Variants in TMED3 observed in about 807,000 individuals in gnomAD.
TMED3 encodes the protein transmembrane p24 trafficking protein 3.
TMED3 carries 9 observed loss-of-function variants against 15.0 expected under a neutral mutation model. The observed-to-expected ratio is 0.60, with a 90% confidence interval of 0.36 to 1.04. TMED3 has a LOEUF of 1.04. Among genes scored for constraint, TMED3 ranks in the 50% least tolerant of loss-of-function variants. The pLI is 0.01. For missense variants in TMED3, 267 were observed against 278.9 expected, an observed-to-expected ratio of 0.96 and a Z score of 0.30; for synonymous variants, 117 against 121.4, an observed-to-expected ratio of 0.96 and a Z score of 0.24.
At chr15:79,389,847 A>G (rs956039600) in intron 2 of TMED3, among the ~76,000 whole-genome samples, 4 of 151,608 alleles carry the variant, frequency 2.6e-5, no homozygotes, top group Non-Finnish European at 5.9e-5. Flanking sequence ...TGTTTTTGCA[A>G]CTGTCATAAA....
At chr15:79,346,003 T>C (rs761776799) in intron 2 of TMED3, among the ~76,000 whole-genome samples, 5 of 152,188 alleles carry the variant, frequency 3.3e-5, no homozygotes, top group Non-Finnish European at 7.4e-5. Context: ...GAGTTGTTTG[T>C]ATTTTTTCTT....
chr15:79,339,280 C>T (rs2058840424), intron 2 of TMED3, among the ~76,000 whole-genome samples: 1 of 152,180 alleles, frequency 6.6e-6, no homozygotes, highest in Non-Finnish European at 1.5e-5. Flanking sequence ...TATCCTGCCC[C>T]TTTGTCTTGT....
intron 2 of TMED3, among the ~76,000 whole-genome samples, chr15:79,385,592 A>T (rs1317806066): frequency 1.3e-5 from 2 of 152,166 alleles, no homozygotes; most frequent in Non-Finnish European, 2.9e-5. Context: ...CTGGAGTGGA[A>T]GGCCCAGGTC....
At chr15:79,398,489 C>T (rs35859764) in intron 2 of TMED3, among the ~76,000 whole-genome samples, 15,259 of 152,036 alleles carry the variant, frequency 0.1, 887 homozygotes, top group Admixed American at 0.14. Context: ...TGTAGTTTGA[C>T]GGCCTTAGAG....
At chr15:79,411,602 G>C in exon 3 of TMED3, 1 of 667,898 alleles carries the variant, frequency 1.5e-6, no homozygotes, top group Middle Eastern at 3.9e-4. Flanking sequence ...ACCATGCACT[G>C]GGACTAGCTC....
chr15:79,378,707 GGTT>G (rs1274303460), intron 2 of TMED3, among the ~76,000 whole-genome samples: 1 of 152,146 alleles, frequency 6.6e-6, no homozygotes, highest in Non-Finnish European at 1.5e-5. Flanking sequence ...AAAAGGGGAA[GGTT>G]GTTGTAAATA....
chr15:79,394,767 C>G (rs1321936535), intron 2 of TMED3, among the ~76,000 whole-genome samples: 2 of 152,108 alleles, frequency 1.3e-5, no homozygotes, highest in Non-Finnish European at 2.9e-5. Context: ...CCAGTTTTAT[C>G]CAGTTTTAAC....
At chr15:79,345,620 ATGTGTC>A (rs888039501) in intron 2 of TMED3, among the ~76,000 whole-genome samples, 1 of 152,206 alleles carries the variant, frequency 6.6e-6, no homozygotes, top group African/African-American at 2.4e-5. Flanking sequence ...ATACACATAC[ATGTGTC>A]TTTATAACGA....
At chr15:79,345,482 T>C (rs7174031) in intron 2 of TMED3, among the ~76,000 whole-genome samples, 1 of 152,154 alleles carries the variant, frequency 6.6e-6, no homozygotes, top group African/African-American at 2.4e-5. Flanking sequence ...CATGATCTTG[T>C]TCTTTTTCTG....
At chr15:79,373,784 A>G (rs1893382362) in intron 2 of TMED3, among the ~76,000 whole-genome samples, 1 of 152,240 alleles carries the variant, frequency 6.6e-6, no homozygotes, top group African/African-American at 2.4e-5. Context: ...AATACATGTA[A>G]GGTACACATT....
intron 2 of TMED3, among the ~76,000 whole-genome samples, chr15:79,392,338 G>T (rs1314750058): frequency 6.6e-6 from 1 of 152,148 alleles, no homozygotes; most frequent in East Asian, 1.9e-4. Context: ...ATCTGAAAAA[G>T]ACTGTATCTT....
At chr15:79,363,275 G>T (rs1893164829) in intron 2 of TMED3, among the ~76,000 whole-genome samples, 1 of 152,008 alleles carries the variant, frequency 6.6e-6, no homozygotes, top group South Asian at 2.1e-4. Context: ...CTTTATTTCA[G>T]AAAGAACTTT....
intron 2 of TMED3, among the ~76,000 whole-genome samples, chr15:79,381,451 T>TA (rs958940289): frequency 6.6e-6 from 1 of 152,164 alleles, no homozygotes; most frequent in Non-Finnish European, 1.5e-5. Context: ...GGATGAAGGT[T>TA]AAAAGGTCCT....
intron 2 of TMED3, among the ~76,000 whole-genome samples, chr15:79,367,828 T>G (rs1397767684): frequency 6.6e-6 from 1 of 152,230 alleles, no homozygotes; most frequent in East Asian, 1.9e-4. Flanking sequence ...AACAGGGTCT[T>G]ACAGATCAAA....
intron 2 of TMED3, among the ~76,000 whole-genome samples, chr15:79,358,509 C>G (rs538639331): frequency 1.3e-5 from 2 of 152,210 alleles, no homozygotes; most frequent in East Asian, 1.9e-4. Context: ...GGGATGGAAG[C>G]TGGGGATGGT....
chr15:79,398,947 G>A (rs1893798528), intron 2 of TMED3, among the ~76,000 whole-genome samples: 1 of 152,176 alleles, frequency 6.6e-6, no homozygotes, highest in African/African-American at 2.4e-5. Flanking sequence ...GTCTTGCTCT[G>A]TTGCCCAGGC....
intron 2 of TMED3, among the ~76,000 whole-genome samples, chr15:79,388,571 G>C (rs940018435): frequency 6.6e-6 from 1 of 152,160 alleles, no homozygotes; most frequent in South Asian, 2.1e-4. Context: ...GCATGTGCAA[G>C]TATCTTTTTT....
intron 2 of TMED3, 45 bp downstream of exon 2, chr15:79,314,050 G>A (rs188094341): frequency 1.0e-5 from 16 of 1,603,052 alleles, no homozygotes; most frequent in East Asian, 2.2e-5. Flanking sequence ...CCCCTAGCGT[G>A]TTCCTCTTCA....
chr15:79,390,059 A>C (rs1160606506), intron 2 of TMED3, among the ~76,000 whole-genome samples: 2 of 152,016 alleles, frequency 1.3e-5, no homozygotes, highest in African/African-American at 2.4e-5. Context: ...CTTCCTCTTT[A>C]CTGATTTGGG....
Sources: gnomAD v4.1 joint callset for allele counts (sites outside exome capture counted in the v4.1 genomes callset) on GRCh38, gnomAD v4.1.1 for gene constraint, MANE v1.5 for transcripts, NCBI Gene and HGNC (gene_info 2026-07-23, HGNC 2026-07-21) for gene names.